ITPR1: variants seen among roughly 807,000 people sequenced by gnomAD.
ITPR1 encodes inositol 1,4,5-trisphosphate receptor type 1.
ITPR1 carries 96 observed loss-of-function variants against 318.4 expected under a neutral mutation model. That is an observed-to-expected ratio of 0.30 (90% CI 0.26 to 0.36). The LOEUF is 0.36. ITPR1 is among the 10% of genes least tolerant of loss of function. The probability of loss-of-function intolerance (pLI) is 1.00; values close to 1 mark genes in which losing one functional copy is unlikely to be tolerated. For synonymous variants in ITPR1, 1,312 were observed against 1,289.9 expected (o/e 1.02, Z -0.37); for missense variants, 2,440 against 3,460.2 (o/e 0.71, Z 7.40).
chr3:4,740,783 A>G (rs1207836997), intron 44 of ITPR1, among the ~76,000 whole-genome samples: 3 of 152,214 alleles, frequency 2.0e-5, no homozygotes, highest in Non-Finnish European at 4.4e-5. Context: ...TATGGGAACA[A>G]GGAGACAGTA....
intron 61 of ITPR1, among the ~76,000 whole-genome samples, chr3:4,838,700 C>T (rs1394002242): frequency 6.6e-6 from 1 of 152,214 alleles, no homozygotes; most frequent in Non-Finnish European, 1.5e-5. Context: ...TCTCACATGC[C>T]AATGCGAGTG....
At chr3:4,838,705 C>A (rs1575436514) in intron 61 of ITPR1, among the ~76,000 whole-genome samples, 1 of 152,198 alleles carries the variant, frequency 6.6e-6, no homozygotes, top group Admixed American at 6.5e-5. Context: ...CATGCCAATG[C>A]GAGTGGCATT....
In ITPR1 at chr3:4,713,971, A is replaced by G. The variant is rs141251883; in HGVS notation, c.5103+2103A>G. ...CAAGACTTGTCGTGCTTCTGGCCCA[A>G]TGCTTGACTGCCAGGAAATGCTACT... On this transcript the variant is annotated intron_variant, in intron 39 of 61. Coordinates refer to ENST00000649015, the MANE Select transcript of ITPR1 (RefSeq NM_001378452.1). Among the ~76,000 whole-genome samples, 563 of 152,320 alleles carry G rather than the reference A, an allele frequency of 3.7e-3. 4 individuals carry two copies. Among genetic ancestry groups the G allele is most frequent in the Middle Eastern group, 0.014 (4 of 294 alleles).
At chr3:4,830,895 A>G (rs2050434216) in intron 60 of ITPR1, 7 of 456,284 alleles carry the variant, frequency 1.5e-5, no homozygotes. Context: ...TTTGGCTATA[A>G]AAGATTCCAC....
At chr3:4,596,228 CA>C (rs2090804024) in intron 4 of ITPR1, 1 of 152,104 alleles carries the variant, frequency 6.6e-6, no homozygotes, top group African/African-American at 2.4e-5. Flanking sequence ...AAGAATTAAG[CA>C]AAAGTTCCTT....
intron 2 of ITPR1, among the ~76,000 whole-genome samples, chr3:4,507,943 C>T (rs1161759796): frequency 1.3e-5 from 2 of 152,150 alleles, no homozygotes; most frequent in Non-Finnish European, 2.9e-5. Context: ...CAAATTCAGG[C>T]TTCTGGGGAG....
chr3:4,640,545 G>A (rs4073665), intron 6 of ITPR1, among the ~76,000 whole-genome samples: 127,136 of 152,202 alleles, frequency 0.84, 53,396 homozygotes, highest in South Asian at 0.88. Flanking sequence ...TCAGAGTACA[G>A]GACTTCCTGA....
chr3:4,703,770 C>T (rs1170946789), intron 36 of ITPR1, among the ~76,000 whole-genome samples: 1 of 152,154 alleles, frequency 6.6e-6, no homozygotes, highest in East Asian at 1.9e-4. Context: ...TGCCTGATTT[C>T]GGTAGTCTCT....
chr3:4,684,454 T>C lies in ITPR1; in HGVS notation c.3564+108T>C, dbSNP rs528984480. ...ACACACATTTGAGCTTTTTTCTTCA[T>C]GTGGTTTAACAGGGAGAAAGTAGAG... On this transcript the variant is annotated intron_variant, in intron 29 of 61. Transcript: ENST00000649015. 325 of 797,354 alleles carry C rather than the reference T, an allele frequency of 4.1e-4. 4 individuals are homozygous for C. Among genetic ancestry groups the C allele is most frequent in the South Asian group, 3.1e-3 (185 of 60,122 alleles). The allele number at this position is 797,354 out of a possible 1,614,324, so 49.4% of individuals were successfully genotyped here.
rs1434405400 is a variant in ITPR1, at chr3:4,766,553, A to G, written c.5568A>G (p.Thr1856=). The part of the protein sequence containing the change: ...TIQHSFFCRL[T]EDKKSEKFFK... ...AGCACTCCTTTTTCTGTCGCTTGAC[A>G]GAAGATAAGAAGTCAGAGAAATTCT... is the stretch of plus-strand genomic sequence containing the variant. Residue 1856 remains threonine (T), a synonymous_variant, in exon 45 of 62, where the codon ACA becomes ACG. Transcript: ENST00000649015. The G allele has an allele frequency of 5.6e-6, 9 of 1,613,718 alleles. No homozygotes were observed. Among genetic ancestry groups the G allele is most frequent in the Non-Finnish European group, 7.6e-6 (9 of 1,179,758 alleles).
chr3:4,751,990 A>T (rs2044566907), intron 44 of ITPR1, among the ~76,000 whole-genome samples: 1 of 152,150 alleles, frequency 6.6e-6, no homozygotes, highest in Non-Finnish European at 1.5e-5. Flanking sequence ...TTCCTCTTTG[A>T]AACTGTCAGA....
At chr3:4,814,355 G>T in intron 57 of ITPR1, 68 bp from the exon 58 acceptor site, 2 of 1,531,742 alleles carry the variant, frequency 1.3e-6, no homozygotes, top group South Asian at 1.1e-5. Flanking sequence ...CAGGAAACAG[G>T]ATTTCAAAAT....
At chr3:4,508,160 A>G (rs994913941) in intron 2 of ITPR1, among the ~76,000 whole-genome samples, 2 of 152,140 alleles carry the variant, frequency 1.3e-5, no homozygotes, top group Non-Finnish European at 2.9e-5. Context: ...CAGTGGGACT[A>G]CCCTGCCACC....
At chr3:4,693,789 G>A in intron 33 of ITPR1, 48 bp downstream of exon 33, 4 of 1,560,292 alleles carry the variant, frequency 2.6e-6, no homozygotes, top group Non-Finnish European at 3.5e-6. Flanking sequence ...TATGTGGTGT[G>A]TGCTGTCGTG....
At chr3:4,611,687 A>C (rs1330861410) in intron 4 of ITPR1, among the ~76,000 whole-genome samples, 3 of 152,134 alleles carry the variant, frequency 2.0e-5, no homozygotes, top group Admixed American at 1.3e-4. Flanking sequence ...CCGCGGCTGC[A>C]GTGAGCTGAG....
intron 4 of ITPR1, among the ~76,000 whole-genome samples, chr3:4,586,569 G>C (rs1444781851): frequency 6.7e-6 from 1 of 148,596 alleles, no homozygotes; most frequent in African/African-American, 2.5e-5. Context: ...GAGTGTAGTG[G>C]CACGATCATG....
At chr3:4,804,270 A>T (rs924720231) in intron 54 of ITPR1, among the ~76,000 whole-genome samples, 1 of 152,212 alleles carries the variant, frequency 6.6e-6, no homozygotes, top group Admixed American at 6.5e-5. Context: ...GAGTTCTGAG[A>T]GCTGGAGGAG....
chr3:4,502,959 C>A (rs2081134276), intron 2 of ITPR1, among the ~76,000 whole-genome samples: 1 of 151,890 alleles, frequency 6.6e-6, no homozygotes, highest in South Asian at 2.1e-4. Context: ...ATGGTGGGCA[C>A]CTGTAGTCCC....
chr3:4,844,560 T>C (rs899571458), intron 61 of ITPR1, among the ~76,000 whole-genome samples: 1 of 152,250 alleles, frequency 6.6e-6, no homozygotes, highest in African/African-American at 2.4e-5. Context: ...ACATCTGAAC[T>C]ATCAGGTAGT....
Sources: allele counts gnomAD v4.1 joint callset (sites outside exome capture counted in the v4.1 genomes callset), GRCh38; gene constraint gnomAD v4.1.1; transcripts MANE v1.5; gene names NCBI Gene and HGNC (gene_info 2026-07-23, HGNC 2026-07-21).